Variants in PRR14L observed in about 807,000 individuals in gnomAD.
PRR14L encodes protein PRR14L.
A neutral mutation model predicts 155.0 loss-of-function variants in PRR14L; 80 were observed. The observed-to-expected ratio is 0.52, with a 90% CI of 0.43 to 0.62. The LOEUF is 0.62. Among genes scored for constraint, PRR14L ranks in the 20% least tolerant of loss-of-function variants. The pLI is 0.00. For synonymous variants in PRR14L, 883 were observed against 916.0 expected, an observed-to-expected ratio of 0.96 and a Z score of 0.65; for missense variants, 2,469 against 2,548.0, an observed-to-expected ratio of 0.97 and a Z score of 0.67.
chr22:31,713,767 A>G lies in PRR14L; in HGVS notation c.4072T>C (p.Leu1358=). The G allele has an allele frequency of 6.4e-7, 1 of 1,551,902 alleles. No individual in the cohort carries two copies. The highest frequency in any genetic ancestry group is 8.7e-7 in the Non-Finnish European group (1 of 1,147,064). ...YLTVGEQSEE[L]VTRETGDGDP... ...CCATCGCCAGTTTCTCTGGTAACCA[A>G]CTCCTCAGATTGCTCCCCAACAGTT... Residue 1358 remains leucine (L), a synonymous_variant, in exon 4 of 9, where the codon TTG becomes CTG. Coordinates refer to ENST00000327423, the MANE Select transcript of PRR14L (RefSeq NM_173566.3).
intron 2 of PRR14L, among the ~76,000 whole-genome samples, chr22:31,734,626 T>C (rs1190621561): frequency 6.6e-6 from 1 of 152,238 alleles, no homozygotes; most frequent in African/African-American, 2.4e-5. Context: ...ACAGGACCAC[T>C]TCTGCTGAAT....
rs1035948378 is a variant in PRR14L at position 31,697,007 on chromosome 22, C to T, written c.6107+4649G>A. Among the ~76,000 whole-genome samples, 12 of 151,962 alleles carry T rather than the reference C, an allele frequency of 7.9e-5. 1 individual carries two copies. Among genetic ancestry groups the T allele is most frequent in the East Asian group, 3.9e-4 (2 of 5,182 alleles). On this transcript the variant is annotated intron_variant, in intron 7 of 8. Coordinates refer to ENST00000327423, the MANE Select transcript of PRR14L (RefSeq NM_173566.3). ...GCGTGTGCCTGTGATACCAGCTACG[C>T]GGGGGGCTGAGGCAGGAGAATCGCC...
rs1172648925 is a variant in PRR14L at position 31,683,102 on chromosome 22, ACTC to A, written c.*2422_*2424del. On this transcript the variant is annotated 3_prime_UTR_variant, in exon 9 of 9. Coordinates refer to ENST00000327423, the MANE Select transcript of PRR14L (RefSeq NM_173566.3). ...GACGGGCAGGGCTGGCCTCACAACA[ACTC>A]CTCTCCTACATTGTCAGGACAGGGA... 2.0e-5 allele frequency: 3 copies of A among 151,330 alleles called. No individual in the cohort carries two copies. Among genetic ancestry groups the A allele is most frequent in the South Asian group, 2.1e-4 (1 of 4,784 alleles). The allele number at this position is 151,330 out of a possible 1,614,324, so 9.4% of individuals were successfully genotyped here. A position where few individuals can be genotyped will look rare whatever the true frequency, so the allele number is the denominator to read the frequency against.
rs1366071103 is a variant in PRR14L at position 31,716,386 on chromosome 22, C to T, written c.1453G>A (p.Gly485Ser). The T allele has an allele frequency of 6.5e-7, 1 of 1,550,322 alleles. No homozygotes were observed. The highest frequency in any genetic ancestry group is 8.7e-7 in the Non-Finnish European group (1 of 1,146,552). ...NDLKITVHVQ[G>S]NLTNPEDHKE... The stretch of plus-strand genomic sequence containing the variant: ...TGGTCCTCAGGGTTTGTCAAGTTAC[C>T]TTGAACGTGTACAGTAATTTTCAAA... The change falls in exon 4 of 9, where the codon GGT becomes AGT. Residue 485 changes from glycine to serine, a missense_variant. By Grantham distance (56) the Gly-to-Ser change is moderately conservative. Around this residue, in one of 2 missense-constraint regions of PRR14L, gnomAD observed 2,363 missense variants for 2,371.6 expected, o/e 1.00. Transcript: ENST00000327423.
intron 2 of PRR14L, 107 bp downstream of exon 2, chr22:31,738,280 G>A (rs2074793395): frequency 2.1e-6 from 2 of 959,610 alleles, no homozygotes; most frequent in South Asian, 3.5e-5. Flanking sequence ...CGACATTTCG[G>A]AAATGTTTCA....
At chr22:31,743,706 G>A (rs1259614986) in intron 1 of PRR14L, among the ~76,000 whole-genome samples, 1 of 151,712 alleles carries the variant, frequency 6.6e-6, no homozygotes, top group Non-Finnish European at 1.5e-5. Flanking sequence ...GGAGGCTGAG[G>A]CAGGAGAATC....
At chr22:31,703,974 T>G (rs2074576716) in intron 5 of PRR14L, among the ~76,000 whole-genome samples, 2 of 151,622 alleles carry the variant, frequency 1.3e-5, no homozygotes, top group African/African-American at 2.4e-5. Context: ...ATTCTGTATT[T>G]TTAGTAGAGA....
intron 2 of PRR14L, among the ~76,000 whole-genome samples, chr22:31,736,329 T>C (rs757078203): frequency 3.4e-5 from 5 of 146,132 alleles, no homozygotes; most frequent in Admixed American, 7.1e-5. Flanking sequence ...GAGGTTGCAG[T>C]GAGCTGAGAT....
chr22:31,728,109 C>A (rs1008280046), intron 2 of PRR14L, among the ~76,000 whole-genome samples: 1 of 152,088 alleles, frequency 6.6e-6, no homozygotes, highest in African/African-American at 2.4e-5. Flanking sequence ...AGTGGGAGCT[C>A]TGCTAGTCTG....
At chr22:31,721,706 A>G (rs1295900837) in intron 3 of PRR14L, among the ~76,000 whole-genome samples, 1 of 152,240 alleles carries the variant, frequency 6.6e-6, no homozygotes, top group African/African-American at 2.4e-5. Context: ...GAATGGTTCT[A>G]CCATACAGAA....
At chr22:31,691,745 T>C (rs1228571559) in intron 7 of PRR14L, among the ~76,000 whole-genome samples, 1 of 152,246 alleles carries the variant, frequency 6.6e-6, no homozygotes, top group Non-Finnish European at 1.5e-5. Flanking sequence ...ACGCCATCTA[T>C]GGATATACCA....
intron 7 of PRR14L, among the ~76,000 whole-genome samples, chr22:31,691,607 AACT>A (rs2074512112): frequency 6.6e-6 from 1 of 152,170 alleles, no homozygotes; most frequent in Non-Finnish European, 1.5e-5. Flanking sequence ...GTAACCACTA[AACT>A]ACTTTCTGTC....
chr22:31,707,215 T>C (rs918122384), intron 4 of PRR14L, among the ~76,000 whole-genome samples: 2 of 151,714 alleles, frequency 1.3e-5, no homozygotes, highest in African/African-American at 2.4e-5. Flanking sequence ...AAGCTAGAAA[T>C]AGGGAGGGAA....
intron 2 of PRR14L, among the ~76,000 whole-genome samples, chr22:31,737,892 T>C (rs1473785648): frequency 6.6e-6 from 1 of 151,738 alleles, no homozygotes; most frequent in Non-Finnish European, 1.5e-5. Flanking sequence ...GCTTATACCA[T>C]AATCACAGCT....
chr22:31,715,475 A>G lies in PRR14L; in HGVS notation c.2364T>C (p.Cys788=), dbSNP rs1331736711. ...GGGATACATTTTTTCTTACACGATGACAGCTAGAGATATCCTGAGATTGAA... is the reference window on the plus strand; with the variant it reads ...GGGATACATTTTTTCTTACACGATGGCAGCTAGAGATATCCTGAGATTGAA... ...HSVQSQDISS[C]HRVRKNVSQE... The change falls in exon 4 of 9, where the codon TGT becomes TGC. Residue 788 remains cysteine, a synonymous_variant. Coordinates refer to ENST00000327423, the MANE Select transcript of PRR14L (RefSeq NM_173566.3). 6.4e-7 allele frequency: 1 copy of G among 1,552,316 alleles called. No homozygotes were observed. The highest frequency in any genetic ancestry group is 8.7e-7 in the Non-Finnish European group (1 of 1,147,094).
intron 2 of PRR14L, among the ~76,000 whole-genome samples, chr22:31,737,029 CTCA>C (rs2074785373): frequency 2.1e-5 from 1 of 47,210 alleles, no homozygotes; most frequent in Non-Finnish European, 3.5e-5. Flanking sequence ...CAGTGAGAGA[CTCA>C]AAAAAAAAAA....
chr22:31,694,851 G>A (rs982121672), intron 7 of PRR14L, among the ~76,000 whole-genome samples: 12 of 152,020 alleles, frequency 7.9e-5, no homozygotes, highest in African/African-American at 1.7e-4. Context: ...CTTTGAGGCC[G>A]AGATGGGCGG....
At chr22:31,703,455 C>T in intron 6 of PRR14L, 95 bp downstream of exon 6, 2 of 1,237,924 alleles carry the variant, frequency 1.6e-6, no homozygotes, top group South Asian at 1.5e-5. Context: ...CGTAAAGATA[C>T]TCAGAAGCCA....
At chr22:31,709,454 C>T (rs2074608903) in intron 4 of PRR14L, among the ~76,000 whole-genome samples, 1 of 151,462 alleles carries the variant, frequency 6.6e-6, no homozygotes, top group African/African-American at 2.4e-5. Context: ...GAGGGCTTCA[C>T]CACGTCGGTC....
Sources: gnomAD v4.1 joint callset for allele counts (sites outside exome capture counted in the v4.1 genomes callset) on GRCh38, gnomAD v4.1.1 for gene constraint, gnomAD v4.1.1 regional missense constraint, MANE v1.5 for transcripts, NCBI Gene and HGNC (gene_info 2026-07-23, HGNC 2026-07-21) for gene names.